The following GNAS-AS1 variants were observed in gnomAD, a reference collection of about 807,000 sequenced individuals.
GNAS-AS1 encodes the protein GNAS antisense RNA 1 (non-protein coding).
rs945393744 is a variant in GNAS-AS1, at chr20:58,841,393, G to A, written n.819+544C>T. On this transcript the variant is annotated intron_variant and non_coding_transcript_variant, in intron 4 of 4. Coordinates refer to ENST00000424094, the Ensembl canonical transcript of GNAS-AS1. This position sits in a 1 kb window ranked among gnomAD's most constrained non-coding sequence, Gnocchi z 5.0. The stretch of plus-strand genomic sequence containing the variant: ...GAAATGTGCGGAAAGTAATCTGAAT[G>A]GGAATGGGCGAGAACTCTAGAGACT... 2.0e-6 allele frequency: 2 copies of A among 1,011,096 alleles called. No homozygotes were observed. The highest frequency in any genetic ancestry group is 5.2e-5 in the Admixed American group (1 of 19,220). The allele number at this position is 1,011,096 out of a possible 1,614,324, so 62.6% of individuals were successfully genotyped here. A position where few individuals can be genotyped will look rare whatever the true frequency, so the allele number is the denominator to read the frequency against.
Position 58,840,083 on chromosome 20 carries a change from G to A in GNAS-AS1, n.819+1854C>T, listed in dbSNP as rs1184775066. ...CTCTGCAGAGCCAGAGGGCAGGCCG[G>A]CTTCTCGGTGTGTGCCTAAGAGGAT... On this transcript the variant is annotated intron_variant and non_coding_transcript_variant, in intron 4 of 4. Transcript: ENST00000424094. The surrounding 1 kb of genome is among the most constrained non-coding windows in gnomAD (Gnocchi z 6.0). 4 of 1,608,808 alleles carry A rather than the reference G, an allele frequency of 2.5e-6. No individual in the cohort carries two copies. Among genetic ancestry groups the A allele is most frequent in the Non-Finnish European group, 2.5e-6 (3 of 1,179,914 alleles).
At chr20:58,824,401 T>G (rs2085506448) in intron 4 of GNAS-AS1, among the ~76,000 whole-genome samples, 1 of 152,210 alleles carries the variant, frequency 6.6e-6, no homozygotes, top group Non-Finnish European at 1.5e-5. Flanking sequence ...CTGAGGGTTC[T>G]TAATTTGTAT....
At chr20:58,831,742 T>C (rs754827257) in intron 4 of GNAS-AS1, among the ~76,000 whole-genome samples, 3 of 152,218 alleles carry the variant, frequency 2.0e-5, no homozygotes, top group African/African-American at 7.2e-5. Context: ...GGATTTCTGA[T>C]TTATTTATTT....
At chr20:58,830,557 C>T in intron 4 of GNAS-AS1, among the ~76,000 whole-genome samples, 3 of 33,252 alleles carry the variant, frequency 9.0e-5, no homozygotes, top group Non-Finnish European at 2.0e-4. Context: ...CCATCACCAC[C>T]ACCATCACCA....
exon 5 of GNAS-AS1, chr20:58,818,958 A>C (rs2085466935): frequency 2.5e-6 from 1 of 398,450 alleles, no homozygotes; most frequent in South Asian, 1.3e-4. Context: ...GCCTTTATTC[A>C]ACACTAGATA....
chr20:58,827,716 A>G (rs756447430), intron 4 of GNAS-AS1, among the ~76,000 whole-genome samples: 1 of 152,234 alleles, frequency 6.6e-6, no homozygotes, highest in Non-Finnish European at 1.5e-5. Context: ...AAAGGCTGCA[A>G]TGTGAAGCCC....
At chr20:58,843,490 C>A in intron 2 of GNAS-AS1, 1 of 152,402 alleles carries the variant, frequency 6.6e-6, no homozygotes. Flanking sequence ...CCCTTTGCCC[C>A]ACCCTGCTCA....
In GNAS-AS1 at chr20:58,841,866, A is replaced by G. The variant is rs1288810163; in HGVS notation, n.819+71T>C. 1.6e-6 allele frequency: 2 copies of G among 1,231,060 alleles called. No homozygotes were observed. Among genetic ancestry groups the G allele is most frequent in the South Asian group, 4.2e-5 (1 of 23,748 alleles). The allele number at this position is 1,231,060 out of a possible 1,614,324, so 76.3% of individuals were successfully genotyped here. ...CTCTGGAGGCCCTCGAGATCGTCGC[A>G]AGTGGAAAGGTAAAGCGGAACAAGG... On this transcript the variant is annotated intron_variant and non_coding_transcript_variant, in intron 4 of 4. Coordinates refer to ENST00000424094, the Ensembl canonical transcript of GNAS-AS1. This position sits in a 1 kb window ranked among gnomAD's most constrained non-coding sequence, Gnocchi z 5.0.
At chr20:58,822,091 C>T (rs1389176778) in intron 4 of GNAS-AS1, among the ~76,000 whole-genome samples, 1 of 152,194 alleles carries the variant, frequency 6.6e-6, no homozygotes, top group African/African-American at 2.4e-5. Flanking sequence ...TACTAAGGGG[C>T]CCACCAGGAG....
chr20:58,829,057 T>C (rs537570155), intron 4 of GNAS-AS1, among the ~76,000 whole-genome samples: 46 of 126,540 alleles, frequency 3.6e-4, no homozygotes, highest in Middle Eastern at 4.9e-3. Context: ...GGCAGAGCTC[T>C]TGGCCCCACC....
At chr20:58,834,203 G>C (rs536053976) in intron 4 of GNAS-AS1, 1 of 152,398 alleles carries the variant, frequency 6.6e-6, no homozygotes, top group African/African-American at 2.4e-5. Flanking sequence ...CTAGGGGCTA[G>C]AGGAAAGATA....
chr20:58,847,995 TA>T (rs1354566760), intron 2 of GNAS-AS1, among the ~76,000 whole-genome samples: 1 of 152,212 alleles, frequency 6.6e-6, no homozygotes, highest in Non-Finnish European at 1.5e-5. Context: ...AACGGGGCTG[TA>T]ATGGTGCTGT....
intron 2 of GNAS-AS1, among the ~76,000 whole-genome samples, chr20:58,847,608 A>T (rs530032640): frequency 3.3e-5 from 5 of 152,342 alleles, no homozygotes; most frequent in African/African-American, 1.2e-4. Context: ...ACCCACTGAC[A>T]ACCAATGACA....
chr20:58,824,228 G>A (rs1568897798), intron 4 of GNAS-AS1, among the ~76,000 whole-genome samples: 1 of 152,270 alleles, frequency 6.6e-6, no homozygotes, highest in African/African-American at 2.4e-5. Context: ...TGTGGTGACA[G>A]AGGAAACCAG....
chr20:58,837,088 A>G (rs2085608563), intron 4 of GNAS-AS1, among the ~76,000 whole-genome samples: 2 of 152,234 alleles, frequency 1.3e-5, no homozygotes, highest in Non-Finnish European at 2.9e-5. Flanking sequence ...TGTACACTAA[A>G]GAATCATAAT....
rs532186771 is a variant in GNAS-AS1 at position 58,840,052 on chromosome 20, G to A, written n.819+1885C>T. The A allele has an allele frequency of 6.3e-7, 1 of 1,593,024 alleles. No individual in the cohort carries two copies. The highest frequency in any genetic ancestry group is 2.2e-5 in the East Asian group (1 of 44,774). ...GCTCCAGCAGCCAATGTGCTTCGGA[G>A]CCACTCTCTGCAGAGCCAGAGGGCA... On this transcript the variant is annotated intron_variant and non_coding_transcript_variant, in intron 4 of 4. Transcript: ENST00000424094. The surrounding 1 kb of genome is among the most constrained non-coding windows in gnomAD (Gnocchi z 6.0).
Position 58,840,742 on chromosome 20 carries a change from G to A in GNAS-AS1, n.819+1195C>T. The A allele has an allele frequency of 6.2e-7, 1 of 1,605,712 alleles. No homozygotes were observed. Among genetic ancestry groups the A allele is most frequent in the Non-Finnish European group, 8.5e-7 (1 of 1,179,538 alleles). On this transcript the variant is annotated intron_variant and non_coding_transcript_variant, in intron 4 of 4. Transcript: ENST00000424094. The surrounding 1 kb of genome is among the most constrained non-coding windows in gnomAD (Gnocchi z 6.0). ...CCGAAGAGTCGAAGGAGCCCAAGGA[G>A]GAGAAGCAGCGGCGTCGCTGCAAGC...
chr20:58,850,413 AC>A (rs2086111597), intron 1 of GNAS-AS1: 1 of 397,562 alleles, frequency 2.5e-6, no homozygotes. Context: ...GAGACCCTGA[AC>A]CCGTTCCTCG....
chr20:58,839,908 G>T, intron 4 of GNAS-AS1: 1 of 608,270 alleles, frequency 1.6e-6, no homozygotes, highest in Non-Finnish European at 2.9e-6. Context: ...AGCAAGGCGC[G>T]GAGCTTTAGA....
Sources: gnomAD v4.1 joint callset for allele counts (sites outside exome capture counted in the v4.1 genomes callset) on GRCh38, gnomAD v4.1.1 for gene constraint, Gnocchi (gnomAD v3.1) non-coding constraint, MANE v1.5 for transcripts, NCBI Gene and HGNC (gene_info 2026-07-23, HGNC 2026-07-21) for gene names.